Variants in GSG1 observed in about 807,000 individuals in gnomAD.
GSG1 encodes the protein germ cell-specific gene 1 protein.
In GSG1, 28 loss-of-function variants were observed where a neutral mutation model predicts 30.8. The ratio of observed to expected loss-of-function variants is 0.91; its 90% CI spans 0.67 to 1.25. The LOEUF is 1.25. Ranked by LOEUF, GSG1 falls within the 50% of genes most tolerant of loss-of-function variation. The pLI is 0.00. For synonymous variants in GSG1, 162 were observed against 178.0 expected, an observed-to-expected ratio of 0.91 and a Z score of 0.71; for missense variants, 435 against 444.7, an observed-to-expected ratio of 0.98 and a Z score of 0.20.
chr12:13,103,520 T>TG lies in GSG1; in HGVS notation c.-9dup. ...TTGAGAGGGATCGCTCATTCACTCT[T>TG]GCAGCGGGAAGGCAGAGAAGTTTCA... On this transcript the variant is annotated 5_prime_UTR_variant, in exon 1 of 7. Coordinates refer to ENST00000651961, the MANE Select transcript of GSG1 (RefSeq NM_001080555.4). 1 of 1,613,988 alleles carries TG rather than the reference T, an allele frequency of 6.2e-7. No individual in the cohort carries two copies. The highest frequency in any genetic ancestry group is 8.5e-7 in the Non-Finnish European group (1 of 1,179,856).
At chr12:13,098,158 G>A (rs1257090745) in intron 1 of GSG1, among the ~76,000 whole-genome samples, 2 of 149,578 alleles carry the variant, frequency 1.3e-5, no homozygotes, top group Admixed American at 6.6e-5. Context: ...TTTTTTTTAC[G>A]GTTGCATTGG....
In GSG1 at chr12:13,090,686, G is replaced by T; in HGVS notation, c.181C>A (p.Pro61Thr). The T allele has an allele frequency of 6.2e-7, 1 of 1,614,226 alleles. No individual in the cohort carries two copies. The change falls in exon 2 of 7, where the codon CCC becomes ACC. Residue 61 changes from proline (P) to threonine (T), a missense_variant. Pro to Thr is a conservative substitution (Grantham distance 38, BLOSUM62 -1). Transcript: ENST00000651961. Reference sequence around the variant, plus strand: ...GCTGCCAGACCTTTCTCGCACAGGGGCTTGGGCACCTTCTGTGTGCCCACA... The same window carrying T: ...GCTGCCAGACCTTTCTCGCACAGGGTCTTGGGCACCTTCTGTGTGCCCACA... ...WFVGTQKVPK[P>T]LCEKGLAAKC... is the part of the protein sequence containing the mutation.
chr12:13,085,349 G>T, intron 6 of GSG1, 106 bp from the exon 7 acceptor site: 1 of 1,013,064 alleles, frequency 9.9e-7, no homozygotes, highest in Non-Finnish European at 1.4e-6. Flanking sequence ...GCCTTGTAGG[G>T]ATTTAGGGAC....
rs1565534246 is a variant in GSG1, at chr12:13,090,517, G to A, written c.350C>T (p.Thr117Ile). ...ATGTAGGCTACCTGGTTCTTCCACA[G>A]TTTCCTCACAGGATAGCCACATGCC... Reference protein sequence around the residue: ...RSGMWLSCEETVEEPALLHPQ... With the variant: ...RSGMWLSCEEIVEEPALLHPQ... The change falls in exon 2 of 7, where the codon ACT becomes ATT. Residue 117 changes from threonine (T) to isoleucine (I), a missense_variant. By Grantham distance (89) the Thr-to-Ile change is moderately conservative. Transcript: ENST00000651961. 6.2e-7 allele frequency: 1 copy of A among 1,609,626 alleles called. No individual in the cohort carries two copies. The highest frequency in any genetic ancestry group is 1.7e-5 in the Admixed American group (1 of 59,904).
At chr12:13,098,607 G>A (rs1308304481) in intron 1 of GSG1, among the ~76,000 whole-genome samples, 1 of 151,630 alleles carries the variant, frequency 6.6e-6, no homozygotes, top group Non-Finnish European at 1.5e-5. Context: ...TGAGTTTTGT[G>A]CACATTTTTC....
In GSG1 at chr12:13,101,594, G is replaced by A. The variant is rs2120998711; in HGVS notation, c.48+1871C>T. Among the ~76,000 whole-genome samples, 1 of 152,358 alleles carries A rather than the reference G, an allele frequency of 6.6e-6. No homozygotes were observed. The highest frequency in any genetic ancestry group is 1.5e-5 in the Non-Finnish European group (1 of 68,028). ...CGGGGCGCTAGGCCACCTGAGGCGCGTCCCCTCTGCCGCCTGGCGAGGCTG... is the reference window on the plus strand; with the variant it reads ...CGGGGCGCTAGGCCACCTGAGGCGCATCCCCTCTGCCGCCTGGCGAGGCTG... On this transcript the variant is annotated intron_variant, in intron 1 of 6. Transcript: ENST00000651961. This position sits in a 1 kb window ranked among gnomAD's most constrained non-coding sequence, Gnocchi z 5.8.
At chr12:13,102,930 C>T (rs369331941) in intron 1 of GSG1, among the ~76,000 whole-genome samples, 9 of 152,368 alleles carry the variant, frequency 5.9e-5, no homozygotes, top group East Asian at 5.8e-4. Flanking sequence ...TTCTCTGAGA[C>T]GAGAAAGAGC....
intron 6 of GSG1, 80 bp downstream of exon 6, chr12:13,087,072 G>T (rs574297124): frequency 5.6e-6 from 5 of 893,936 alleles, no homozygotes. Context: ...GGGCTTCACC[G>T]AATAAGCATC....
At chr12:13,092,188 A>T (rs1866215924) in intron 1 of GSG1, among the ~76,000 whole-genome samples, 1 of 152,226 alleles carries the variant, frequency 6.6e-6, no homozygotes, top group African/African-American at 2.4e-5. Context: ...TTCTGCCTCA[A>T]ATGGTGAGAG....
At chr12:13,086,748 A>T (rs1273215857) in intron 6 of GSG1, among the ~76,000 whole-genome samples, 1 of 152,184 alleles carries the variant, frequency 6.6e-6, no homozygotes. Context: ...ATGCAATTCA[A>T]TCCAAATTTC....
intron 4 of GSG1, 40 bp from the exon 5 acceptor site, chr12:13,088,099 A>G: frequency 1.2e-6 from 2 of 1,612,242 alleles, no homozygotes; most frequent in East Asian, 2.2e-5. Context: ...TCACCCTGAC[A>G]GTTAAAAAAC....
intron 5 of GSG1, 77 bp from the exon 6 acceptor site, chr12:13,087,340 C>T: frequency 9.1e-7 from 1 of 1,103,512 alleles, no homozygotes. Flanking sequence ...TTTTGGATCA[C>T]CCTTCTTGCA....
chr12:13,089,963 C>T (rs552328398), intron 2 of GSG1, among the ~76,000 whole-genome samples: 5 of 152,136 alleles, frequency 3.3e-5, no homozygotes, highest in South Asian at 4.1e-4. Context: ...GCAATAGAAT[C>T]GCTTGAACCT....
chr12:13,089,009 C>T (rs989512386), intron 3 of GSG1, 100 bp from the exon 4 acceptor site: 36 of 1,440,418 alleles, frequency 2.5e-5, no homozygotes, highest in Admixed American at 1.3e-4. Flanking sequence ...TCTGCTCTGA[C>T]AGCACCTGCC....
chr12:13,090,234 A>G (rs17212998), intron 2 of GSG1, among the ~76,000 whole-genome samples: 8,342 of 152,254 alleles, frequency 0.055, 580 homozygotes, highest in East Asian at 0.24. Flanking sequence ...TTAACATGCT[A>G]TTTTGAACCA....
At chr12:13,099,740 GTTTTTTTTTGTTTTTTTTT>G (rs1214495466) in intron 1 of GSG1, among the ~76,000 whole-genome samples, 1 of 95,830 alleles carries the variant, frequency 1.0e-5, no homozygotes, top group African/African-American at 4.7e-5. Flanking sequence ...GGGATCCGGT[GTTTTTTTTTGTTTTTTTTT>G]TTTTTTTTTG....
intron 2 of GSG1, among the ~76,000 whole-genome samples, chr12:13,089,699 G>T (rs935220796): frequency 6.6e-6 from 1 of 152,196 alleles, no homozygotes; most frequent in Admixed American, 6.5e-5. Flanking sequence ...GGAAGAGGCT[G>T]TAAGATGATC....
intron 3 of GSG1, 39 bp from the exon 4 acceptor site, chr12:13,088,948 T>C (rs1006773187): frequency 2.4e-5 from 38 of 1,609,480 alleles, no homozygotes; most frequent in Non-Finnish European, 3.2e-5. Flanking sequence ...AGCTACTCCC[T>C]GGGATGGTTG....
rs1807048462 is a variant in GSG1 at position 13,089,287 on chromosome 12, C to A, written c.365-11G>T. On this transcript the variant is annotated splice_polypyrimidine_tract_variant and intron_variant, in intron 2 of 6. Transcript: ENST00000651961. ...GGGGATGGAGCAGTGCTAAGTGGCA[C>A]AATAATAAATATAAATGTAAATACA... 1.9e-6 allele frequency: 3 copies of A among 1,551,792 alleles called. No homozygotes were observed. The highest frequency in any genetic ancestry group is 2.0e-5 in the Admixed American group (1 of 51,096).
Sources: allele counts gnomAD v4.1 joint callset (sites outside exome capture counted in the v4.1 genomes callset), GRCh38; gene constraint gnomAD v4.1.1; non-coding constraint Gnocchi (gnomAD v3.1); transcripts MANE v1.5; gene names NCBI Gene and HGNC (gene_info 2026-07-23, HGNC 2026-07-21).